Variants in NTRK2 observed in about 807,000 individuals in gnomAD.
NTRK2 encodes BDNF/NT-3 growth factors receptor.
A neutral mutation model predicts 94.5 loss-of-function variants in NTRK2; 13 were observed. That is an observed-to-expected ratio of 0.14 (90% CI 0.09 to 0.22). The LOEUF (loss-of-function observed/expected upper bound fraction) is 0.22. Among genes scored for constraint, NTRK2 ranks in the 10% least tolerant of loss-of-function variants. NTRK2 has a pLI of 1.00. For missense variants in NTRK2, 639 were observed against 1,071.2 expected (o/e 0.60, Z 5.63); for synonymous variants, 372 against 407.4 (o/e 0.91, Z 1.05).
intron 12 of NTRK2, among the ~76,000 whole-genome samples, chr9:84,769,940 T>A (rs2066377500): frequency 6.6e-6 from 1 of 152,088 alleles, no homozygotes. Context: ...AAGGAAGAGG[T>A]GACACAGACA....
intron 12 of NTRK2, among the ~76,000 whole-genome samples, chr9:84,838,704 T>C (rs759429504): frequency 3.4e-4 from 52 of 152,308 alleles, no homozygotes; most frequent in Non-Finnish European, 6.3e-4. Context: ...TCTTCCGATA[T>C]AGTATATTGT....
chr9:84,870,331 G>GTGTGTATATATATA (rs1349303529), intron 14 of NTRK2, among the ~76,000 whole-genome samples: 1,415 of 31,070 alleles, frequency 0.046, 93 homozygotes, highest in Non-Finnish European at 0.055. Context: ...GTGTGTGTGT[G>GTGTGTATATATATA]TATATATATA....
At chr9:84,815,043 A>T in intron 12 of NTRK2, 1 of 1,059,138 alleles carries the variant, frequency 9.4e-7, no homozygotes, top group Non-Finnish European at 1.1e-6. Flanking sequence ...GCCAGACTGA[A>T]TTTGGCTGAC....
intron 12 of NTRK2, among the ~76,000 whole-genome samples, chr9:84,827,788 C>A (rs113230577): frequency 3.9e-5 from 6 of 152,308 alleles, no homozygotes; most frequent in African/African-American, 1.4e-4. Flanking sequence ...TTCCTAGGTG[C>A]TTCACCTCTG....
At chr9:84,860,109 T>G (rs886843440) in intron 12 of NTRK2, among the ~76,000 whole-genome samples, 1 of 152,208 alleles carries the variant, frequency 6.6e-6, no homozygotes, top group Non-Finnish European at 1.5e-5. Flanking sequence ...CCTCTTCAGT[T>G]TAGCTAGCTA....
intron 12 of NTRK2, among the ~76,000 whole-genome samples, chr9:84,773,453 G>T (rs1173085185): frequency 1.3e-5 from 2 of 152,212 alleles, no homozygotes; most frequent in Non-Finnish European, 2.9e-5. Context: ...CTCTCTACCT[G>T]ACTATGAAGA....
At chr9:84,842,913 G>A (rs1278535825) in intron 12 of NTRK2, among the ~76,000 whole-genome samples, 1 of 152,166 alleles carries the variant, frequency 6.6e-6, no homozygotes, top group Non-Finnish European at 1.5e-5. Context: ...GAGGAATGAG[G>A]CAGAGTATGT....
intron 2 of NTRK2, among the ~76,000 whole-genome samples, chr9:84,678,525 G>A (rs888439123): frequency 1.3e-5 from 2 of 152,340 alleles, no homozygotes; most frequent in South Asian, 4.1e-4. Context: ...CTGTGAGGTG[G>A]CAGAGGGGCC....
chr9:84,771,875 A>G (rs749786937), intron 12 of NTRK2, among the ~76,000 whole-genome samples: 1 of 152,218 alleles, frequency 6.6e-6, no homozygotes, highest in Non-Finnish European at 1.5e-5. Context: ...ACTTCGGGGT[A>G]TCGTTTGAGA....
chr9:84,777,974 C>T (rs2132971946), intron 12 of NTRK2, among the ~76,000 whole-genome samples: 1 of 152,274 alleles, frequency 6.6e-6, no homozygotes, highest in South Asian at 2.1e-4. Context: ...TTCGAAAAAG[C>T]TTTCCTGTCT....
chr9:85,002,297 C>G (rs1220196481), intron 17 of NTRK2, among the ~76,000 whole-genome samples: 2 of 152,284 alleles, frequency 1.3e-5, no homozygotes, highest in East Asian at 3.9e-4. Flanking sequence ...GAGGCCAGTT[C>G]TAACTGACTG....
intron 12 of NTRK2, among the ~76,000 whole-genome samples, chr9:84,846,421 T>C (rs1299383108): frequency 6.6e-6 from 1 of 152,214 alleles, no homozygotes; most frequent in Non-Finnish European, 1.5e-5. Flanking sequence ...CTGGACACTA[T>C]TTTTTCCTTT....
intron 12 of NTRK2, among the ~76,000 whole-genome samples, chr9:84,796,326 GA>G (rs2069323908): frequency 6.6e-6 from 1 of 152,020 alleles, no homozygotes; most frequent in Admixed American, 6.6e-5. Flanking sequence ...AAAGAATGAA[GA>G]AGGATAAGGA....
At chr9:85,011,958 A>ATTATTTTATT (rs57166564) in intron 17 of NTRK2, among the ~76,000 whole-genome samples, 32,514 of 131,394 alleles carry the variant, frequency 0.25, 4,574 homozygotes, top group African/African-American at 0.29. Flanking sequence ...TATGTAGAGC[A>ATTATTTTATT]TTATTTTATT....
At chr9:84,810,739 T>A in intron 12 of NTRK2, 1 of 1,522,536 alleles carries the variant, frequency 6.6e-7, no homozygotes, top group Non-Finnish European at 8.8e-7. Flanking sequence ...CTGTACTATA[T>A]GAAGCCTGCA....
intron 17 of NTRK2, among the ~76,000 whole-genome samples, chr9:84,958,571 A>G (rs1343208759): frequency 6.6e-6 from 1 of 152,152 alleles, no homozygotes; most frequent in African/African-American, 2.4e-5. Flanking sequence ...CCCCGTGGCC[A>G]CTACTCGGTT....
At chr9:84,824,005 G>A (rs1465479951) in intron 12 of NTRK2, among the ~76,000 whole-genome samples, 1 of 152,178 alleles carries the variant, frequency 6.6e-6, no homozygotes, top group East Asian at 1.9e-4. Context: ...GACAGTGGGG[G>A]AGGAGCTAAG....
At chr9:84,780,054 TC>T (rs1195569656) in intron 12 of NTRK2, among the ~76,000 whole-genome samples, 12 of 151,954 alleles carry the variant, frequency 7.9e-5, no homozygotes, top group Admixed American at 5.9e-4. Flanking sequence ...GTTTTTTTTT[TC>T]CTTAAAAATC....
At chr9:84,732,777 C>G (rs1222730799) in intron 9 of NTRK2, among the ~76,000 whole-genome samples, 2 of 152,150 alleles carry the variant, frequency 1.3e-5, no homozygotes, top group Admixed American at 6.5e-5. Context: ...GCTTTGTGCT[C>G]TTGGAACCTG....
Sources: gnomAD v4.1 joint callset for allele counts (sites outside exome capture counted in the v4.1 genomes callset) on GRCh38, gnomAD v4.1.1 for gene constraint, MANE v1.5 for transcripts, NCBI Gene and HGNC (gene_info 2026-07-23, HGNC 2026-07-21) for gene names.